The following PALM2AKAP2 variants were observed in gnomAD, a reference collection of about 807,000 sequenced individuals.
The protein encoded by PALM2AKAP2 is PALM2-AKAP2 fusion protein.
PALM2AKAP2 carries 37 observed loss-of-function variants against 71.5 expected under a neutral mutation model. The ratio of observed to expected loss-of-function variants is 0.52; its 90% CI spans 0.40 to 0.68. The LOEUF is 0.68. Among genes scored for constraint, PALM2AKAP2 ranks in the 30% least tolerant of loss-of-function variants. The probability of loss-of-function intolerance (pLI) is 0.00; values close to 1 mark genes in which losing one functional copy is unlikely to be tolerated. For synonymous variants in PALM2AKAP2, 468 were observed against 478.8 expected (o/e 0.98, Z 0.29); for missense variants, 1,224 against 1,191.8 (o/e 1.03, Z -0.40).
intron 3 of PALM2AKAP2, among the ~76,000 whole-genome samples, chr9:109,899,877 T>C (rs891220292): frequency 2.0e-5 from 3 of 152,226 alleles, no homozygotes; most frequent in African/African-American, 7.2e-5. Context: ...ATGTTTCCTG[T>C]GGGCATATTT....
At chr9:109,685,446 G>GT (rs560877188) in intron 1 of PALM2AKAP2, among the ~76,000 whole-genome samples, 8 of 151,822 alleles carry the variant, frequency 5.3e-5, no homozygotes, top group South Asian at 2.1e-4. Flanking sequence ...AGTCACACAA[G>GT]TTTTTTTTGG....
At chr9:110,002,223 A>G (rs1832695158) in intron 6 of PALM2AKAP2, among the ~76,000 whole-genome samples, 2 of 151,736 alleles carry the variant, frequency 1.3e-5, no homozygotes, top group Non-Finnish European at 2.9e-5. Flanking sequence ...TTTTAGCATG[A>G]AGGTTGTTGA....
chr9:109,919,195 T>C (rs1296589564), intron 3 of PALM2AKAP2, among the ~76,000 whole-genome samples: 1 of 152,240 alleles, frequency 6.6e-6, no homozygotes, highest in Non-Finnish European at 1.5e-5. Context: ...ACAAGCTCCA[T>C]AAATGTTGAT....
intron 3 of PALM2AKAP2, among the ~76,000 whole-genome samples, chr9:109,891,454 G>T (rs115211166): frequency 6.6e-6 from 1 of 152,036 alleles, no homozygotes; most frequent in Non-Finnish European, 1.5e-5. Flanking sequence ...TTTACAGGTC[G>T]CAGGGGAACA....
At chr9:109,979,075 C>T (rs1439072982) in intron 6 of PALM2AKAP2, among the ~76,000 whole-genome samples, 1 of 151,944 alleles carries the variant, frequency 6.6e-6, no homozygotes, top group Non-Finnish European at 1.5e-5. Flanking sequence ...CTGCAACCTC[C>T]TCCGCCTCCC....
intron 6 of PALM2AKAP2, among the ~76,000 whole-genome samples, chr9:110,000,948 T>G (rs571917991): frequency 6.6e-6 from 1 of 152,354 alleles, no homozygotes; most frequent in African/African-American, 2.4e-5. Flanking sequence ...AAAAATTTTC[T>G]CCCATTCTAT....
chr9:109,871,564 T>C (rs1327129200), intron 2 of PALM2AKAP2, among the ~76,000 whole-genome samples: 3 of 152,172 alleles, frequency 2.0e-5, no homozygotes, highest in African/African-American at 4.8e-5. Context: ...ATATGTACTC[T>C]ATACTTACCA....
At chr9:110,162,195 G>T (rs1282017770) in intron 3 of PALM2AKAP2, 63 bp downstream of exon 10, 3 of 1,600,062 alleles carry the variant, frequency 1.9e-6, no homozygotes, top group East Asian at 4.5e-5. Flanking sequence ...TGCTGTTGTG[G>T]TTTGCCATTT....
intron 1 of PALM2AKAP2, among the ~76,000 whole-genome samples, chr9:109,782,779 T>C (rs1437661193): frequency 2.1e-5 from 3 of 144,678 alleles, no homozygotes; most frequent in Admixed American, 2.0e-4. Context: ...TGTGTGTGTA[T>C]GTGTGTGTGA....
chr9:109,741,575 A>G (rs1401660529), intron 1 of PALM2AKAP2, among the ~76,000 whole-genome samples: 1 of 152,352 alleles, frequency 6.6e-6, no homozygotes, highest in African/African-American at 2.4e-5. Flanking sequence ...TGCTCCCACC[A>G]GCAAAGTGTA....
At chr9:110,083,518 G>A (rs1455425371) in intron 1 of PALM2AKAP2, among the ~76,000 whole-genome samples, 1 of 152,122 alleles carries the variant, frequency 6.6e-6, no homozygotes, top group African/African-American at 2.4e-5. Flanking sequence ...CCCATTGACA[G>A]CCTAGGATAC....
rs924321465 is a variant in PALM2AKAP2, at chr9:109,692,911, C to G, written c.5+52045C>G. On this transcript the variant is annotated intron_variant, in intron 1 of 6. Transcript: ENST00000374531. ...TGTGATTTCTTTCCCTTCCCCCCACCTCCATCTCTCTTTTCTCTCCTTCCT... is the reference window on the plus strand; with the variant it reads ...TGTGATTTCTTTCCCTTCCCCCCACGTCCATCTCTCTTTTCTCTCCTTCCT... Among the ~76,000 whole-genome samples, 4 of 151,740 alleles carry G rather than the reference C, an allele frequency of 2.6e-5. No homozygotes were observed. The East Asian group carries it at 7.7e-4, about 29-fold the overall frequency.
chr9:109,934,893 A>G (rs979203375), intron 6 of PALM2AKAP2, among the ~76,000 whole-genome samples: 10 of 152,238 alleles, frequency 6.6e-5, no homozygotes, highest in Non-Finnish European at 1.5e-4. Context: ...AAAGACAAAA[A>G]TAAGCATGAG....
In PALM2AKAP2 at chr9:110,166,990, A is replaced by G. The variant is rs374387279; in HGVS notation, c.2749-1409A>G. Reference sequence around the variant, plus strand: ...TCCACATGGCTGGGGAGGCCTCACAATCATGGCAGAAGGTGAAGGAAGATC... The same window carrying G: ...TCCACATGGCTGGGGAGGCCTCACAGTCATGGCAGAAGGTGAAGGAAGATC... On this transcript the variant is annotated intron_variant, in intron 3 of 3. Transcript: ENST00000374525. 1.8e-4 allele frequency among the ~76,000 whole-genome samples: 28 copies of G among 152,338 alleles called. No homozygotes were observed. The East Asian group carries it at 5.2e-3, about 28-fold the overall frequency.
chr9:110,022,163 T>C (rs1019490616), intron 7 of PALM2AKAP2, among the ~76,000 whole-genome samples: 1 of 152,202 alleles, frequency 6.6e-6, no homozygotes, highest in Non-Finnish European at 1.5e-5. Flanking sequence ...TGTCTTTCAC[T>C]GTGTCTCTCT....
chr9:109,795,548 A>G (rs1827229454), intron 1 of PALM2AKAP2, among the ~76,000 whole-genome samples: 2 of 152,164 alleles, frequency 1.3e-5, no homozygotes, highest in Non-Finnish European at 2.9e-5. Context: ...TCCTATGTGA[A>G]CTCTAACTGA....
At chr9:110,073,849 T>G (rs1834262783) in intron 1 of PALM2AKAP2, among the ~76,000 whole-genome samples, 1 of 152,200 alleles carries the variant, frequency 6.6e-6, no homozygotes, top group South Asian at 2.1e-4. Flanking sequence ...GAATATTGAT[T>G]GCTACTTAGT....
At chr9:109,793,659 T>C (rs1236089869) in intron 1 of PALM2AKAP2, among the ~76,000 whole-genome samples, 4 of 152,278 alleles carry the variant, frequency 2.6e-5, no homozygotes, top group Non-Finnish European at 5.9e-5. Flanking sequence ...ATTCCACTTT[T>C]CGGTCTAGAC....
chr9:109,968,796 C>A (rs1394919098), intron 6 of PALM2AKAP2, among the ~76,000 whole-genome samples: 2 of 152,146 alleles, frequency 1.3e-5, no homozygotes, highest in African/African-American at 4.8e-5. Context: ...AGTAAGTCTG[C>A]CACTAAGACC....
Sources: gnomAD v4.1 joint callset for allele counts (sites outside exome capture counted in the v4.1 genomes callset) on GRCh38, gnomAD v4.1.1 for gene constraint, MANE v1.5 for transcripts, NCBI Gene and HGNC (gene_info 2026-07-23, HGNC 2026-07-21) for gene names.